Variants in NEK10 observed in about 807,000 individuals in gnomAD.
NEK10 encodes serine/threonine-protein kinase Nek10.
A neutral mutation model predicts 159.8 loss-of-function variants in NEK10; 122 were observed. The ratio of observed to expected loss-of-function variants is 0.76; its 90% CI spans 0.66 to 0.89. The LOEUF (loss-of-function observed/expected upper bound fraction) is 0.89, where lower values mean the gene tolerates loss of function less well. Among genes scored for constraint, NEK10 ranks in the 40% least tolerant of loss-of-function variants. The pLI is 0.00. For synonymous variants in NEK10, 466 were observed against 457.1 expected, an observed-to-expected ratio of 1.02 and a Z score of -0.25; for missense variants, 1,342 against 1,323.1, an observed-to-expected ratio of 1.01 and a Z score of -0.22.
At chr3:27,283,473 T>C (rs1378948820) in intron 22 of NEK10, among the ~76,000 whole-genome samples, 1 of 152,214 alleles carries the variant, frequency 6.6e-6, no homozygotes, top group Non-Finnish European at 1.5e-5. Flanking sequence ...CTATGTATAT[T>C]GGCAGTGTAT....
chr3:27,267,831 T>G (rs949713201), intron 22 of NEK10, among the ~76,000 whole-genome samples: 1 of 152,126 alleles, frequency 6.6e-6, no homozygotes, highest in African/African-American at 2.4e-5. Context: ...CTAGAAATGA[T>G]GAAGCTTAGT....
chr3:27,320,404 G>A (rs1409269006), intron 6 of NEK10, among the ~76,000 whole-genome samples: 3 of 152,146 alleles, frequency 2.0e-5, no homozygotes, highest in African/African-American at 7.2e-5. Flanking sequence ...CTTCCTCCTG[G>A]AAAACGTTAT....
chr3:27,200,928 A>AGTGG (rs1949988243), intron 25 of NEK10, among the ~76,000 whole-genome samples: 1 of 152,120 alleles, frequency 6.6e-6, no homozygotes, highest in African/African-American at 2.4e-5. Context: ...AGCAGAGAAA[A>AGTGG]CAGAAGGGGA....
chr3:27,186,244 C>T (rs188550522), intron 26 of NEK10, among the ~76,000 whole-genome samples: 12 of 152,284 alleles, frequency 7.9e-5, no homozygotes, highest in Non-Finnish European at 1.6e-4. Context: ...ATTTTGCCTT[C>T]GCAGAAAATT....
At position 27,194,966 on chromosome 3, in the gene NEK10, G is replaced by A. The variant is rs17019505; in HGVS notation, c.2292-2724C>T. 1.1e-3 allele frequency among the ~76,000 whole-genome samples: 164 copies of A among 152,222 alleles called. 2 individuals carry two copies. In the East Asian group the frequency reaches 0.028, roughly 26 times the overall value. ...GGTTGCTAAGTTATTCTCCCAATTT[G>A]AAGGCCTGCTAGGAAAGACAAGTTT... On this transcript the variant is annotated intron_variant, in intron 25 of 35. Transcript: ENST00000691995.
At chr3:27,303,998 C>A (rs1445114) in intron 12 of NEK10, among the ~76,000 whole-genome samples, 23,627 of 152,074 alleles carry the variant, frequency 0.16, 2,028 homozygotes, top group Non-Finnish European at 0.2. Flanking sequence ...TGGATGGTAC[C>A]ACAAGATATT....
chr3:27,310,289 A>T (rs1054871580), intron 9 of NEK10: 1 of 152,132 alleles, frequency 6.6e-6, no homozygotes. Context: ...ATTTTTTCCA[A>T]TTGTAAGCAA....
chr3:27,323,120 A>T (rs2045765754), intron 5 of NEK10, among the ~76,000 whole-genome samples: 1 of 152,140 alleles, frequency 6.6e-6, no homozygotes, highest in Non-Finnish European at 1.5e-5. Context: ...CTCTCAGGAG[A>T]GGCCAGTAAG....
chr3:27,205,951 C>G (rs1449749992), intron 23 of NEK10, among the ~76,000 whole-genome samples: 1 of 145,874 alleles, frequency 6.9e-6, no homozygotes, highest in South Asian at 2.2e-4. Context: ...ATTTTCGCAA[C>G]CTACTCATCT....
At chr3:27,136,700 T>C (rs554226964) in intron 31 of NEK10, among the ~76,000 whole-genome samples, 2 of 152,294 alleles carry the variant, frequency 1.3e-5, no homozygotes, top group Middle Eastern at 3.4e-3. Flanking sequence ...AAAACAGAGG[T>C]CAAATCAGTT....
intron 22 of NEK10, among the ~76,000 whole-genome samples, chr3:27,262,850 T>C (rs1346217284): frequency 6.6e-6 from 1 of 152,236 alleles, no homozygotes; most frequent in Non-Finnish European, 1.5e-5. Flanking sequence ...TCATTCTCCA[T>C]CCAGCTTTGT....
intron 26 of NEK10, among the ~76,000 whole-genome samples, chr3:27,187,758 C>G (rs1448389630): frequency 8.5e-6 from 1 of 117,424 alleles, no homozygotes; most frequent in Non-Finnish European, 1.7e-5. Flanking sequence ...GAGACTCCAT[C>G]TCAAAAAAAA....
chr3:27,294,791 C>T (rs370767219), intron 15 of NEK10, among the ~76,000 whole-genome samples: 21 of 152,230 alleles, frequency 1.4e-4, no homozygotes, highest in East Asian at 1.4e-3. Context: ...AGATGAGCTA[C>T]AACTATTGCA....
At chr3:27,203,551 AAAAACAGAGTACT>A (rs1323116496) in intron 23 of NEK10, among the ~76,000 whole-genome samples, 5 of 150,510 alleles carry the variant, frequency 3.3e-5, no homozygotes, top group Admixed American at 2.7e-4. Context: ...ATGTACACTA[AAAAACAGAGTACT>A]AAAAGTACTC....
chr3:27,313,755 C>G (rs1202246263), intron 7 of NEK10, among the ~76,000 whole-genome samples: 1 of 152,196 alleles, frequency 6.6e-6, no homozygotes. Flanking sequence ...CTCTGTTGCC[C>G]AGGCTGGAGT....
intron 26 of NEK10, among the ~76,000 whole-genome samples, chr3:27,190,260 T>G (rs1176206086): frequency 5.3e-5 from 8 of 152,200 alleles, no homozygotes; most frequent in Non-Finnish European, 1.2e-4. Context: ...TACCTGGCGA[T>G]AGCCTGAAAT....
chr3:27,135,827 A>G (rs573845796), intron 31 of NEK10, among the ~76,000 whole-genome samples: 12 of 152,206 alleles, frequency 7.9e-5, no homozygotes, highest in Non-Finnish European at 1.6e-4. Flanking sequence ...ATACAACTTT[A>G]TCCTAAATAT....
At chr3:27,239,586 A>G (rs531887070) in intron 23 of NEK10, among the ~76,000 whole-genome samples, 224 of 152,352 alleles carry the variant, frequency 1.5e-3, no homozygotes, top group African/African-American at 5.2e-3. Flanking sequence ...ACATTTTATA[A>G]GAGACTTGTA....
intron 22 of NEK10, among the ~76,000 whole-genome samples, chr3:27,282,306 G>A (rs1376870414): frequency 6.6e-6 from 1 of 151,768 alleles, no homozygotes; most frequent in African/African-American, 2.4e-5. Flanking sequence ...AAACTATTTT[G>A]ATGCGTGATA....
Sources: allele counts gnomAD v4.1 joint callset (sites outside exome capture counted in the v4.1 genomes callset), GRCh38; gene constraint gnomAD v4.1.1; transcripts MANE v1.5; gene names NCBI Gene and HGNC (gene_info 2026-07-23, HGNC 2026-07-21).